PXDNL: variants seen among roughly 807,000 people sequenced by gnomAD.
PXDNL encodes probable oxidoreductase PXDNL.
Under a neutral mutation model 150.8 loss-of-function variants are expected in PXDNL, and 145 were observed. That is an observed-to-expected ratio of 0.96 (90% CI 0.84 to 1.10). The LOEUF (loss-of-function observed/expected upper bound fraction) is 1.10. Among genes scored for constraint, PXDNL ranks in the 50% least tolerant of loss-of-function variants. PXDNL has a pLI of 0.00. For synonymous variants in PXDNL, 757 were observed against 725.7 expected, an observed-to-expected ratio of 1.04 and a Z score of -0.69; for missense variants, 2,087 against 1,873.9, an observed-to-expected ratio of 1.11 and a Z score of -2.10.
At chr8:51,439,764 G>A (rs1002844344) in intron 12 of PXDNL, among the ~76,000 whole-genome samples, 2 of 144,972 alleles carry the variant, frequency 1.4e-5, no homozygotes, top group African/African-American at 5.1e-5. Context: ...GGCAGAGGTT[G>A]CAGTAAGCCA....
At chr8:51,476,638 C>A (rs377525793) in intron 6 of PXDNL, among the ~76,000 whole-genome samples, 1 of 152,036 alleles carries the variant, frequency 6.6e-6, no homozygotes, top group Admixed American at 6.6e-5. Flanking sequence ...CCAAAAGATG[C>A]GTGGCAAAAA....
At chr8:51,674,629 G>A (rs1815568032) in intron 1 of PXDNL, among the ~76,000 whole-genome samples, 1 of 152,210 alleles carries the variant, frequency 6.6e-6, no homozygotes, top group Non-Finnish European at 1.5e-5. Flanking sequence ...AAGTGGCATT[G>A]GTGTGGCTAT....
At chr8:51,711,839 C>A (rs1018441861) in intron 1 of PXDNL, among the ~76,000 whole-genome samples, 12 of 152,174 alleles carry the variant, frequency 7.9e-5, no homozygotes, top group Non-Finnish European at 1.6e-4. Flanking sequence ...ACTGTCCTTA[C>A]CTTATTCTCA....
intron 20 of PXDNL, chr8:51,339,955 A>G (rs2130679383): frequency 2.2e-6 from 1 of 448,766 alleles, no homozygotes; most frequent in Non-Finnish European, 3.9e-6. Flanking sequence ...AGAGTGTCAC[A>G]TCTGGTTCAT....
At chr8:51,417,057 G>C (rs1373234670) in intron 14 of PXDNL, among the ~76,000 whole-genome samples, 2 of 152,162 alleles carry the variant, frequency 1.3e-5, no homozygotes, top group African/African-American at 2.4e-5. Flanking sequence ...ACAGCACTGT[G>C]TTATGTAAGC....
At chr8:51,423,096 T>A (rs192625739) in intron 14 of PXDNL, among the ~76,000 whole-genome samples, 3 of 152,264 alleles carry the variant, frequency 2.0e-5, no homozygotes, top group Non-Finnish European at 4.4e-5. Flanking sequence ...ATGTCAATTA[T>A]GTTGGCCAAT....
intron 13 of PXDNL, among the ~76,000 whole-genome samples, chr8:51,425,470 T>C (rs1372021258): frequency 6.6e-6 from 1 of 152,160 alleles, no homozygotes; most frequent in Non-Finnish European, 1.5e-5. Context: ...AATGTATATT[T>C]TTCACACTTT....
intron 20 of PXDNL, among the ~76,000 whole-genome samples, chr8:51,342,539 A>AG (rs35602434): frequency 0.44 from 66,407 of 151,996 alleles, 18,198 homozygotes; most frequent in African/African-American, 0.79. Flanking sequence ...ATCTCTGAAA[A>AG]CACACAATAT....
intron 2 of PXDNL, among the ~76,000 whole-genome samples, chr8:51,645,715 G>T (rs1180900749): frequency 6.6e-6 from 1 of 152,190 alleles, no homozygotes; most frequent in Non-Finnish European, 1.5e-5. Context: ...GCCTGAAATG[G>T]AGAAATTTAC....
chr8:51,712,642 C>T (rs1477000301), intron 1 of PXDNL, among the ~76,000 whole-genome samples: 1 of 152,068 alleles, frequency 6.6e-6, no homozygotes, highest in Non-Finnish European at 1.5e-5. Context: ...TTAGTTATTA[C>T]AGTATAAGAA....
chr8:51,571,009 A>G (rs182679463), intron 3 of PXDNL, among the ~76,000 whole-genome samples: 2 of 151,982 alleles, frequency 1.3e-5, no homozygotes, highest in Admixed American at 1.3e-4. Context: ...TTCAGAGTGT[A>G]ATAATTCACT....
intron 1 of PXDNL, among the ~76,000 whole-genome samples, chr8:51,693,808 C>A (rs946044950): frequency 2.6e-5 from 4 of 152,124 alleles, no homozygotes; most frequent in African/African-American, 9.7e-5. Context: ...AATTTGAAAC[C>A]AGCTCTACTA....
At chr8:51,382,182 G>C (rs140884609) in intron 17 of PXDNL, among the ~76,000 whole-genome samples, 395 of 152,278 alleles carry the variant, frequency 2.6e-3, no homozygotes, top group African/African-American at 8.9e-3. Context: ...AAGACCGAGA[G>C]TGAGAATGCT....
At chr8:51,559,107 T>C (rs1003161627) in intron 3 of PXDNL, among the ~76,000 whole-genome samples, 52 of 152,008 alleles carry the variant, frequency 3.4e-4, no homozygotes, top group African/African-American at 1.2e-3. Flanking sequence ...TCAGACCTTA[T>C]TGGTGTGCAG....
intron 1 of PXDNL, among the ~76,000 whole-genome samples, chr8:51,795,756 T>TA (rs765712798): frequency 3.9e-5 from 6 of 152,218 alleles, no homozygotes; most frequent in Non-Finnish European, 8.8e-5. Flanking sequence ...GACACACAGA[T>TA]ACTCTGCTTT....
At chr8:51,703,261 A>G (rs1816294661) in intron 1 of PXDNL, among the ~76,000 whole-genome samples, 2 of 148,360 alleles carry the variant, frequency 1.3e-5, no homozygotes, top group Non-Finnish European at 3.0e-5. Flanking sequence ...ACAGTAGAGC[A>G]CAGATTCTTC....
chr8:51,662,680 T>C (rs906740390), intron 1 of PXDNL, among the ~76,000 whole-genome samples: 1 of 152,160 alleles, frequency 6.6e-6, no homozygotes, highest in Non-Finnish European at 1.5e-5. Context: ...AAGCAAATAC[T>C]ACACCATTTT....
At chr8:51,520,545 G>C (rs1298719295) in intron 4 of PXDNL, among the ~76,000 whole-genome samples, 1 of 152,018 alleles carries the variant, frequency 6.6e-6, no homozygotes, top group Non-Finnish European at 1.5e-5. Flanking sequence ...CACCCACCAT[G>C]TCCTCCCACC....
chr8:51,584,348 G>T (rs1813276839), intron 3 of PXDNL, among the ~76,000 whole-genome samples: 1 of 152,162 alleles, frequency 6.6e-6, no homozygotes, highest in African/African-American at 2.4e-5. Flanking sequence ...GGTAGGAGAG[G>T]TGTCACTGCT....
Sources: gnomAD v4.1 joint callset for allele counts (sites outside exome capture counted in the v4.1 genomes callset) on GRCh38, gnomAD v4.1.1 for gene constraint, MANE v1.5 for transcripts, NCBI Gene and HGNC (gene_info 2026-07-23, HGNC 2026-07-21) for gene names.